ACACB: variants seen among roughly 807,000 people sequenced by gnomAD.
ACACB encodes acetyl-CoA carboxylase beta, also known as acetyl-CoA carboxylase 2.
ACACB carries 209 observed loss-of-function variants against 278.8 expected under a neutral mutation model. That is an observed-to-expected ratio of 0.75 (90% CI 0.67 to 0.84). The LOEUF (loss-of-function observed/expected upper bound fraction) is 0.84, where lower values mean the gene tolerates loss of function less well. ACACB is among the 40% of genes least tolerant of loss of function. The pLI, the probability that ACACB is intolerant of heterozygous loss-of-function variation, is 0.00. For missense variants in ACACB, 2,850 were observed against 3,269.0 expected, an observed-to-expected ratio of 0.87 and a Z score of 3.13; for synonymous variants, 1,174 against 1,285.6, an observed-to-expected ratio of 0.91 and a Z score of 1.86.
At chr12:109,247,223 G>A (rs151093337) in intron 39 of ACACB, among the ~76,000 whole-genome samples, 195 of 152,078 alleles carry the variant, frequency 1.3e-3, no homozygotes, top group Admixed American at 2.2e-3. Flanking sequence ...ATGCATTCTC[G>A]GGGGCGATAT....
chr12:109,262,983 T>C (rs1166487835), intron 49 of ACACB: 1 of 134,898 alleles, frequency 7.4e-6, no homozygotes, highest in East Asian at 2.2e-4. Context: ...TATATATATA[T>C]TGCCATCGTG....
Position 109,139,383 on chromosome 12 carries a change from T to C in ACACB, c.-9-14T>C. ...TATGTAAATCCTAAAATGTCTCTCC[T>C]TTTCTCCTTACAGATTTTCTGAATG... On this transcript the variant is annotated splice_polypyrimidine_tract_variant and intron_variant, in intron 1 of 52. Transcript: ENST00000338432. 1.9e-6 allele frequency: 3 copies of C among 1,597,426 alleles called. No individual in the cohort carries two copies. Among genetic ancestry groups the C allele is most frequent in the Non-Finnish European group, 2.6e-6 (3 of 1,171,242 alleles).
intron 27 of ACACB, among the ~76,000 whole-genome samples, chr12:109,227,123 G>A (rs2046335366): frequency 6.6e-6 from 1 of 152,012 alleles, no homozygotes; most frequent in Admixed American, 6.6e-5. Flanking sequence ...GCTAGTTTTT[G>A]TATTTTTAGT....
At chr12:109,262,892 C>A (rs1198147506) in intron 49 of ACACB, 1 of 146,288 alleles carries the variant, frequency 6.8e-6, no homozygotes, top group Non-Finnish European at 1.5e-5. Context: ...GCTGGGGTTA[C>A]AGGCATGAGC....
intron 44 of ACACB, 43 bp downstream of exon 44, chr12:109,254,377 C>T: frequency 6.4e-7 from 1 of 1,562,456 alleles, no homozygotes; most frequent in Non-Finnish European, 8.6e-7. Context: ...TCTCGGGTTT[C>T]TTTCTAGGGC....
chr12:109,140,271 T>C (rs10849899), intron 2 of ACACB, among the ~76,000 whole-genome samples: 9,965 of 39,874 alleles, frequency 0.25, 1,950 homozygotes, highest in Middle Eastern at 0.32. Context: ...TCCTTCCTTC[T>C]TTCCTTCCTT....
Position 109,196,868 on chromosome 12 carries a change from G to A in ACACB, c.2482-140G>A, listed in dbSNP as rs975625707. ...GCTGCTCCCTTGGCAGGAATTGTGA[G>A]GGCTGGGTCCGAGAGACGGGGGTGT... is the stretch of plus-strand genomic sequence containing the variant. On this transcript the variant is annotated intron_variant, in intron 16 of 52. Transcript: ENST00000338432. 22 of 1,036,594 alleles carry A rather than the reference G, an allele frequency of 2.1e-5. No individual in the cohort carries two copies. In the Admixed American group the frequency reaches 5.3e-4, roughly 25 times the overall value. 64.2% of individuals were successfully genotyped at this position (1,036,594 alleles called of 1,614,324 possible).
rs530444723 is a variant in ACACB, at chr12:109,215,278, GT to G, written c.3351-1328del. ...CTGTTCAGTATCCGAAATCTATGAA[GT>G]TTTTTTTTTTTCTTAACTCTGTGGC... On this transcript the variant is annotated intron_variant, in intron 22 of 52. Transcript: ENST00000338432. Among the ~76,000 whole-genome samples the G allele has an allele frequency of 1.4e-3, 212 of 147,280 alleles. 3 individuals carry two copies. The South Asian group carries it at 0.018, about 13-fold the overall frequency.
At chr12:109,157,465 T>A (rs2043581193) in intron 2 of ACACB, among the ~76,000 whole-genome samples, 1 of 151,814 alleles carries the variant, frequency 6.6e-6, no homozygotes, top group African/African-American at 2.4e-5. Context: ...AGAGACAGGG[T>A]TTCACCATGT....
intron 10 of ACACB, among the ~76,000 whole-genome samples, chr12:109,179,531 C>G (rs912169707): frequency 1.3e-5 from 2 of 152,160 alleles, no homozygotes; most frequent in Non-Finnish European, 2.9e-5. Flanking sequence ...GTGTTGCCCA[C>G]GCTGGAGTGC....
chr12:109,176,986 C>T (rs1179553809), intron 9 of ACACB, among the ~76,000 whole-genome samples: 1 of 152,196 alleles, frequency 6.6e-6, no homozygotes, highest in Non-Finnish European at 1.5e-5. Flanking sequence ...CTTTTAAAAC[C>T]TTATGTCCGT....
At chr12:109,119,087 G>A (rs1447476520) in intron 1 of ACACB, among the ~76,000 whole-genome samples, 1 of 152,064 alleles carries the variant, frequency 6.6e-6, no homozygotes, top group Non-Finnish European at 1.5e-5. Context: ...TAATTTTGAG[G>A]ACAATCCTAG....
intron 35 of ACACB, 138 bp downstream of exon 35, chr12:109,240,123 G>A: frequency 9.8e-7 from 1 of 1,018,610 alleles, no homozygotes; most frequent in Non-Finnish European, 1.4e-6. Context: ...AGTTGCTGCG[G>A]GAGGAGAGCA....
Position 109,208,288 on chromosome 12 carries a change from C to G in ACACB, c.3061-877C>G, listed in dbSNP as rs950011717. ...CTGGAGTACAGTGGGGGAAACACTG[C>G]TCACTACAACCTCGACCTCTGGGTT... On this transcript the variant is annotated intron_variant, in intron 20 of 52. Coordinates refer to ENST00000338432, the MANE Select transcript of ACACB (RefSeq NM_001093.4). Among the ~76,000 whole-genome samples, 4 of 151,034 alleles carry G rather than the reference C, an allele frequency of 2.6e-5. No homozygotes were observed. In the South Asian group the frequency reaches 6.3e-4, roughly 24 times the overall value.
intron 20 of ACACB, among the ~76,000 whole-genome samples, chr12:109,208,716 G>A (rs1593564910): frequency 6.6e-6 from 1 of 152,318 alleles, no homozygotes; most frequent in African/African-American, 2.4e-5. Context: ...TACTAGCTGA[G>A]TGACTTTGGT....
chr12:109,156,540 T>C (rs2136104785), intron 2 of ACACB, among the ~76,000 whole-genome samples: 1 of 150,326 alleles, frequency 6.7e-6, no homozygotes, highest in South Asian at 2.1e-4. Context: ...AAAAAAAAAG[T>C]ATAAGTAATC....
chr12:109,128,324 G>A (rs914747788), intron 1 of ACACB, among the ~76,000 whole-genome samples: 1 of 150,688 alleles, frequency 6.6e-6, no homozygotes, highest in South Asian at 2.1e-4. Context: ...AATTTTTTTG[G>A]ACTTTTTTTA....
chr12:109,167,617 ATG>A (rs1167763726), intron 3 of ACACB, among the ~76,000 whole-genome samples: 2 of 103,908 alleles, frequency 1.9e-5, no homozygotes, highest in Non-Finnish European at 3.6e-5. Flanking sequence ...AAATATATGT[ATG>A]TGTATATATA....
At chr12:109,224,337 C>T (rs2046257906) in intron 27 of ACACB, among the ~76,000 whole-genome samples, 1 of 151,530 alleles carries the variant, frequency 6.6e-6, no homozygotes, top group Admixed American at 6.6e-5. Context: ...CTAGAGGAGC[C>T]CAGGTGACAA....
Sources: gnomAD v4.1 joint callset for allele counts (sites outside exome capture counted in the v4.1 genomes callset) on GRCh38, gnomAD v4.1.1 for gene constraint, MANE v1.5 for transcripts, NCBI Gene and HGNC (gene_info 2026-07-23, HGNC 2026-07-21) for gene names.